LIN9: variants seen among roughly 807,000 people sequenced by gnomAD.
The protein encoded by LIN9 is lin-9 DREAM MuvB core complex component, also known as protein lin-9 homolog.
LIN9 carries 18 observed loss-of-function variants against 78.0 expected under a neutral mutation model. The ratio of observed to expected loss-of-function variants is 0.23; its 90% CI spans 0.16 to 0.34. The LOEUF (loss-of-function observed/expected upper bound fraction) is 0.34. Among genes scored for constraint, LIN9 ranks in the 10% least tolerant of loss-of-function variants. LIN9 has a pLI of 1.00. For synonymous variants in LIN9, 192 were observed against 215.2 expected (o/e 0.89, Z 0.94); for missense variants, 451 against 644.1 (o/e 0.70, Z 3.25).
intron 10 of LIN9, among the ~76,000 whole-genome samples, chr1:226,264,103 C>T (rs1325761034): frequency 1.3e-5 from 2 of 151,868 alleles, no homozygotes; most frequent in African/African-American, 4.8e-5. Flanking sequence ...AATAAATAGG[C>T]CAGGTGCAGT....
At chr1:226,276,101 C>T (rs529213681) in intron 7 of LIN9, among the ~76,000 whole-genome samples, 112 of 152,300 alleles carry the variant, frequency 7.4e-4, no homozygotes, top group African/African-American at 2.4e-3. Context: ...TTGCTATAGC[C>T]TGTCTAACCT....
At position 226,309,119 on chromosome 1, in the gene LIN9, C is replaced by T. The variant is rs200253990; in HGVS notation, c.21G>A (p.Leu7=). 4.5e-5 allele frequency: 60 copies of T among 1,340,102 alleles called. No individual in the cohort carries two copies. The highest frequency in any genetic ancestry group is 6.0e-5 in the African/African-American group (4 of 66,582). The allele number at this position is 1,340,102 out of a possible 1,614,324, so 83.0% of individuals were successfully genotyped here. Residue 7 remains leucine (L), a synonymous_variant, in exon 1 of 15, where the codon TTG becomes TTA. Transcript: ENST00000681046. ...TGAGGTGCTACTCACTCTCGTCAGG[C>T]AACTGGTCGAGCTCCGCCATCTTGA... MAELDQ[L]PDESSSAKAL...
At chr1:226,255,223 A>G (rs1056209458) in intron 10 of LIN9, among the ~76,000 whole-genome samples, 1 of 152,178 alleles carries the variant, frequency 6.6e-6, no homozygotes, top group Non-Finnish European at 1.5e-5. Context: ...ATACTGCAGA[A>G]ATACTCCCTC....
chr1:226,269,756 G>A (rs1660149982), intron 7 of LIN9, among the ~76,000 whole-genome samples: 1 of 152,090 alleles, frequency 6.6e-6, no homozygotes. Context: ...TATGCAAATG[G>A]AGGGGGAAGA....
intron 8 of LIN9, among the ~76,000 whole-genome samples, chr1:226,267,641 ATACTT>A (rs1162103151): frequency 1.3e-5 from 2 of 152,188 alleles, no homozygotes; most frequent in Non-Finnish European, 2.9e-5. Flanking sequence ...CAAGAGGACT[ATACTT>A]TAACCTAACA....
At chr1:226,288,279 A>G (rs1661499735) in intron 4 of LIN9, among the ~76,000 whole-genome samples, 1 of 152,000 alleles carries the variant, frequency 6.6e-6, no homozygotes, top group Admixed American at 6.6e-5. Flanking sequence ...GCTTAGATGG[A>G]TACTTTTTTA....
At chr1:226,236,707 T>C (rs936267752) in intron 12 of LIN9, among the ~76,000 whole-genome samples, 3 of 152,224 alleles carry the variant, frequency 2.0e-5, no homozygotes, top group African/African-American at 7.2e-5. Flanking sequence ...TCCGCCTGCC[T>C]TGGCCTCCCA....
chr1:226,277,485 CT>C (rs1660740309), intron 7 of LIN9, among the ~76,000 whole-genome samples: 1 of 152,088 alleles, frequency 6.6e-6, no homozygotes, highest in Non-Finnish European at 1.5e-5. Flanking sequence ...TTATTTACAC[CT>C]TCAGAATTTT....
rs1659906922 is a variant in LIN9 at position 226,266,362 on chromosome 1, A to AG, written c.817-31_817-30insC. 4.5e-6 allele frequency: 7 copies of AG among 1,567,928 alleles called. No individual in the cohort carries two copies. The East Asian group carries it at 1.6e-4, about 36-fold the overall frequency. ...GAAAACAGAATAATTCACAAAACTT[A>AG]AAGAAATTTACCAATCATTTAAGCT... On this transcript the variant is annotated intron_variant, in intron 8 of 14. Transcript: ENST00000681046.
chr1:226,275,916 T>C (rs1302778754), intron 7 of LIN9, among the ~76,000 whole-genome samples: 1 of 151,828 alleles, frequency 6.6e-6, no homozygotes, highest in African/African-American at 2.4e-5. Flanking sequence ...TAATCCCAGT[T>C]ACTCAGGAAG....
At chr1:226,238,561 A>G (rs1425912528) in intron 12 of LIN9, among the ~76,000 whole-genome samples, 1 of 152,064 alleles carries the variant, frequency 6.6e-6, no homozygotes, top group African/African-American at 2.4e-5. Context: ...TTGAGGCTGT[A>G]GTTCGCCAAG....
chr1:226,270,730 T>C (rs542958820), intron 7 of LIN9, among the ~76,000 whole-genome samples: 14 of 149,712 alleles, frequency 9.4e-5, no homozygotes, highest in African/African-American at 2.0e-4. Flanking sequence ...GGTGGGAGGA[T>C]TGCTTGAGCC....
chr1:226,232,409 G>T lies in LIN9; in HGVS notation c.*92C>A. ...AGATTTAAATTTCCCTTGTTTTCCAGCAGTTAGGTTATTTGGTGTTGGAAG... is the reference window on the plus strand; with the variant it reads ...AGATTTAAATTTCCCTTGTTTTCCATCAGTTAGGTTATTTGGTGTTGGAAG... On this transcript the variant is annotated 3_prime_UTR_variant, in exon 15 of 15. Coordinates refer to ENST00000681046, the MANE Select transcript of LIN9 (RefSeq NM_001366245.2). 1 of 743,344 alleles carries T rather than the reference G, an allele frequency of 1.3e-6. No individual in the cohort carries two copies. Among genetic ancestry groups the T allele is most frequent in the Non-Finnish European group, 2.2e-6 (1 of 455,070 alleles). 46.0% of individuals were successfully genotyped at this position (743,344 alleles called of 1,614,324 possible).
upstream of LIN9, chr1:226,309,252 G>T (rs1415859951): frequency 5.4e-6 from 7 of 1,290,450 alleles, no homozygotes; most frequent in Non-Finnish European, 6.0e-6. Flanking sequence ...GCGGCGCCGC[G>T]CTGCGCTGCT....
At chr1:226,285,580 A>G (rs1661340564) in intron 6 of LIN9, among the ~76,000 whole-genome samples, 2 of 152,318 alleles carry the variant, frequency 1.3e-5, no homozygotes, top group South Asian at 4.1e-4. Flanking sequence ...CTAATGATCT[A>G]ATTATTCTTC....
intron 6 of LIN9, among the ~76,000 whole-genome samples, chr1:226,283,187 C>T (rs774665060): frequency 2.0e-4 from 31 of 151,354 alleles, no homozygotes; most frequent in Non-Finnish European, 3.5e-4. Context: ...AGTGCAGTGG[C>T]GTGAGCATGG....
chr1:226,237,768 T>C (rs1163320334), intron 12 of LIN9, among the ~76,000 whole-genome samples: 2 of 151,514 alleles, frequency 1.3e-5, no homozygotes, highest in Admixed American at 6.6e-5. Flanking sequence ...GCCTATAATA[T>C]GGTGAAACCC....
chr1:226,232,477 C>T lies in LIN9; in HGVS notation c.*24G>A, dbSNP rs748171770. 2.8e-6 allele frequency: 4 copies of T among 1,451,466 alleles called. No individual in the cohort carries two copies. The Admixed American group carries it at 5.1e-5, about 19-fold the overall frequency. 89.9% of individuals were successfully genotyped at this position (1,451,466 alleles called of 1,614,324 possible). A position where few individuals can be genotyped will look rare whatever the true frequency, so the allele number is the denominator to read the frequency against. On this transcript the variant is annotated 3_prime_UTR_variant, in exon 15 of 15. Coordinates refer to ENST00000681046, the MANE Select transcript of LIN9 (RefSeq NM_001366245.2). Reference sequence around the variant, plus strand: ...AACTTCTCAAAAACAATGTCCCGTGCAGTTGGAATAATGAAATCTTTACTC... The same window carrying T: ...AACTTCTCAAAAACAATGTCCCGTGTAGTTGGAATAATGAAATCTTTACTC...
Position 226,266,305 on chromosome 1 carries a change from T to C in LIN9, c.844A>G (p.Ile282Val), listed in dbSNP as rs1347347995. 5.0e-6 allele frequency: 8 copies of C among 1,603,112 alleles called. No homozygotes were observed. The Admixed American group carries it at 5.0e-5, about 10-fold the overall frequency. Residue 282 changes from isoleucine to valine, a missense_variant, in exon 9 of 15, where the codon ATT (isoleucine) becomes GTT (valine). Ile to Val is a conservative substitution (Grantham distance 29). Transcript: ENST00000681046. ...CGCTGTTTTTGTCCAAAGGCAGCAA[T>C]TGGCATTGTCTCATGAGGTTCATTA... The part of the protein sequence containing the change: ...LSNEPHETMP[I>V]AAFGQKQRPS...
Sources: gnomAD v4.1 joint callset for allele counts (sites outside exome capture counted in the v4.1 genomes callset) on GRCh38, gnomAD v4.1.1 for gene constraint, MANE v1.5 for transcripts, NCBI Gene and HGNC (gene_info 2026-07-23, HGNC 2026-07-21) for gene names.